The following LRBA variants were observed in gnomAD, a reference collection of about 807,000 sequenced individuals.
LRBA encodes LPS responsive beige-like anchor protein, also known as lipopolysaccharide-responsive and beige-like anchor protein.
LRBA carries 176 observed loss-of-function variants against 330.0 expected under a neutral mutation model. The observed-to-expected ratio is 0.53, with a 90% confidence interval of 0.47 to 0.60. The LOEUF is 0.60. Among genes scored for constraint, LRBA ranks in the 20% least tolerant of loss-of-function variants. The pLI, the probability that LRBA is intolerant of heterozygous loss-of-function variation, is 0.00. For synonymous variants in LRBA, 1,230 were observed against 1,193.0 expected (o/e 1.03, Z -0.64); for missense variants, 3,259 against 3,444.8 (o/e 0.95, Z 1.35).
intron 46 of LRBA, among the ~76,000 whole-genome samples, chr4:150,432,210 C>T (rs1373864339): frequency 6.6e-6 from 1 of 151,922 alleles, no homozygotes; most frequent in African/African-American, 2.4e-5. Context: ...AGAATGTATA[C>T]TATATTAATC....
At chr4:150,790,372 G>T (rs1319184402) in intron 34 of LRBA, among the ~76,000 whole-genome samples, 3 of 151,976 alleles carry the variant, frequency 2.0e-5, no homozygotes, top group Admixed American at 2.0e-4. Flanking sequence ...TTCTTTGGTT[G>T]TAACAGCACT....
At chr4:150,874,293 C>T (rs1753764731) in intron 17 of LRBA, among the ~76,000 whole-genome samples, 1 of 152,094 alleles carries the variant, frequency 6.6e-6, no homozygotes, top group African/African-American at 2.4e-5. Context: ...CTGGAGCTAA[C>T]TGGGAAAGAG....
intron 19 of LRBA, 89 bp from the exon 20 acceptor site, chr4:150,870,695 T>A (rs1753324421): frequency 8.5e-6 from 6 of 702,230 alleles, no homozygotes; most frequent in South Asian, 8.1e-5. Flanking sequence ...ATTAATTAAC[T>A]TTAAGTACAA....
intron 48 of LRBA, among the ~76,000 whole-genome samples, chr4:150,332,912 T>G (rs1734172735): frequency 6.6e-6 from 1 of 152,170 alleles, no homozygotes; most frequent in Admixed American, 6.6e-5. Flanking sequence ...ATGGAAATAT[T>G]ATGAAGAGAT....
intron 17 of LRBA, among the ~76,000 whole-genome samples, chr4:150,883,273 C>T (rs779071316): frequency 6.6e-6 from 1 of 152,062 alleles, no homozygotes; most frequent in Non-Finnish European, 1.5e-5. Context: ...CCAGCCTGGG[C>T]AACATGGTGA....
intron 37 of LRBA, among the ~76,000 whole-genome samples, chr4:150,619,186 G>A (rs1776068222): frequency 6.6e-6 from 1 of 152,152 alleles, no homozygotes; most frequent in Non-Finnish European, 1.5e-5. Context: ...TCAGGATGAA[G>A]TCTTAAAAGT....
At chr4:150,347,489 T>C (rs1736535636) in intron 48 of LRBA, among the ~76,000 whole-genome samples, 1 of 151,944 alleles carries the variant, frequency 6.6e-6, no homozygotes, top group Non-Finnish European at 1.5e-5. Flanking sequence ...CTACTAAAAA[T>C]ACAAAAATTA....
At chr4:150,703,798 A>AT (rs1785343021) in intron 36 of LRBA, among the ~76,000 whole-genome samples, 1 of 152,046 alleles carries the variant, frequency 6.6e-6, no homozygotes, top group East Asian at 1.9e-4. Flanking sequence ...TACATGTAAA[A>AT]TGTGTTATAT....
rs1732591785 is a variant in LRBA at position 150,322,060 on chromosome 4, T to G, written c.7453-692A>C. 2.6e-5 allele frequency among the ~76,000 whole-genome samples: 4 copies of G among 152,290 alleles called. No homozygotes were observed. The South Asian group carries it at 8.3e-4, about 32-fold the overall frequency. On this transcript the variant is annotated intron_variant, in intron 49 of 56. Coordinates refer to ENST00000651943, the MANE Select transcript of LRBA (RefSeq NM_001364905.1). ...ACCAAATCATAAACACTGCCTATTG[T>G]AATGCAAATGCTACTGCTTTCTGCT...
chr4:150,573,928 C>T (rs1199317762), intron 40 of LRBA, among the ~76,000 whole-genome samples: 1 of 152,068 alleles, frequency 6.6e-6, no homozygotes, highest in Non-Finnish European at 1.5e-5. Context: ...AGCACAATGT[C>T]ATTTCTCTAA....
intron 36 of LRBA, among the ~76,000 whole-genome samples, chr4:150,717,701 A>AATAATAATAATAATAATCATCATC (rs890794296): frequency 2.0e-5 from 3 of 148,048 alleles, no homozygotes; most frequent in Admixed American, 1.4e-4. Flanking sequence ...TAATAATAAT[A>AATAATAATAATAATAATCATCATC]ATCAGTGCTT....
intron 2 of LRBA, among the ~76,000 whole-genome samples, chr4:150,993,079 C>G (rs374682551): frequency 6.0e-4 from 92 of 152,092 alleles, no homozygotes; most frequent in African/African-American, 2.2e-3. Flanking sequence ...CCCAGGATAT[C>G]AAGACCCTAG....
intron 36 of LRBA, among the ~76,000 whole-genome samples, chr4:150,713,546 A>G (rs1433984599): frequency 6.6e-6 from 1 of 152,184 alleles, no homozygotes; most frequent in Non-Finnish European, 1.5e-5. Flanking sequence ...CTTTTTGCCT[A>G]TGTAACTGTA....
intron 47 of LRBA, among the ~76,000 whole-genome samples, chr4:150,382,396 G>A (rs1742402318): frequency 6.6e-6 from 1 of 152,164 alleles, no homozygotes; most frequent in African/African-American, 2.4e-5. Context: ...GGTTAAGGTG[G>A]GTGGATCACT....
intron 37 of LRBA, among the ~76,000 whole-genome samples, chr4:150,651,206 G>A (rs1779676644): frequency 6.6e-6 from 1 of 152,100 alleles, no homozygotes; most frequent in South Asian, 2.1e-4. Flanking sequence ...AGGTGATACA[G>A]TAACTAAATA....
At chr4:150,858,314 T>C (rs748262088) in intron 22 of LRBA, among the ~76,000 whole-genome samples, 7 of 151,640 alleles carry the variant, frequency 4.6e-5, no homozygotes, top group South Asian at 2.1e-4. Flanking sequence ...TTATATATAA[T>C]GGCACCTGTA....
chr4:150,767,115 C>G (rs538171345), intron 34 of LRBA, among the ~76,000 whole-genome samples: 14 of 152,036 alleles, frequency 9.2e-5, no homozygotes, highest in African/African-American at 3.4e-4. Context: ...CTTCATTAAC[C>G]TAACATTATC....
chr4:150,378,912 C>G (rs1741766892), intron 47 of LRBA, among the ~76,000 whole-genome samples: 1 of 152,134 alleles, frequency 6.6e-6, no homozygotes. Flanking sequence ...CTATTTTATA[C>G]TATTATTTAT....
intron 40 of LRBA, among the ~76,000 whole-genome samples, chr4:150,522,024 C>T (rs965640018): frequency 1.3e-5 from 2 of 152,108 alleles, no homozygotes; most frequent in Non-Finnish European, 2.9e-5. Context: ...TTAATTATTA[C>T]TGCTGTAACA....
Sources: gnomAD v4.1 joint callset for allele counts (sites outside exome capture counted in the v4.1 genomes callset) on GRCh38, gnomAD v4.1.1 for gene constraint, MANE v1.5 for transcripts, NCBI Gene and HGNC (gene_info 2026-07-23, HGNC 2026-07-21) for gene names.